The following PLGRKT variants were observed in gnomAD, a reference collection of about 807,000 sequenced individuals.
PLGRKT encodes the protein plasminogen receptor (KT).
PLGRKT carries 22 observed loss-of-function variants against 18.5 expected under a neutral mutation model. The ratio of observed to expected loss-of-function variants is 1.19; its 90% CI spans 0.85 to 1.70. The LOEUF (loss-of-function observed/expected upper bound fraction) is 1.70. PLGRKT is among the 40% of genes most tolerant of loss of function. The probability of loss-of-function intolerance (pLI) is 0.00; values close to 1 mark genes in which losing one functional copy is unlikely to be tolerated. For missense variants in PLGRKT, 235 were observed against 174.4 expected (o/e 1.35, Z -1.96); for synonymous variants, 72 against 52.8 (o/e 1.36, Z -1.58).
chr9:5,368,635 T>C (rs111576485), intron 3 of PLGRKT, among the ~76,000 whole-genome samples: 1 of 152,198 alleles, frequency 6.6e-6, no homozygotes, highest in Non-Finnish European at 1.5e-5. Flanking sequence ...TTGGGTTCTA[T>C]GCTCACCATT....
chr9:5,417,084 C>T (rs1250111670), intron 3 of PLGRKT, among the ~76,000 whole-genome samples: 1 of 152,116 alleles, frequency 6.6e-6, no homozygotes, highest in Non-Finnish European at 1.5e-5. Flanking sequence ...ACTAAGCTAA[C>T]TTATTTCCAT....
intron 3 of PLGRKT, among the ~76,000 whole-genome samples, chr9:5,380,298 G>C (rs1245258731): frequency 1.3e-5 from 2 of 151,194 alleles, no homozygotes; most frequent in Non-Finnish European, 2.9e-5. Flanking sequence ...CCAGGATGTG[G>C]AGCTTGCACA....
At chr9:5,388,621 AG>A (rs1374704979) in intron 3 of PLGRKT, among the ~76,000 whole-genome samples, 2 of 152,072 alleles carry the variant, frequency 1.3e-5, no homozygotes, top group African/African-American at 4.8e-5. Flanking sequence ...CATTTGGAAT[AG>A]CCCAAGGGCA....
At chr9:5,375,249 G>A (rs1817605414) in intron 3 of PLGRKT, among the ~76,000 whole-genome samples, 1 of 152,176 alleles carries the variant, frequency 6.6e-6, no homozygotes, top group African/African-American at 2.4e-5. Context: ...TAATTTGATA[G>A]TATTGACATG....
Position 5,400,528 on chromosome 9 carries a change from T to G in PLGRKT, c.81+31369A>C, listed in dbSNP as rs1280889682. Among the ~76,000 whole-genome samples, 6 of 151,912 alleles carry G rather than the reference T, an allele frequency of 3.9e-5. No homozygotes were observed. In the East Asian group the frequency reaches 1.2e-3, roughly 29 times the overall value. On this transcript the variant is annotated intron_variant, in intron 3 of 5. Transcript: ENST00000223864. ...TACTTGAACTGAACCTAACCAGGAATTTAACATCATAAACCTACCAAACAG... is the reference window on the plus strand; with the variant it reads ...TACTTGAACTGAACCTAACCAGGAAGTTAACATCATAAACCTACCAAACAG...
chr9:5,413,385 G>A lies in PLGRKT; in HGVS notation c.81+18512C>T, dbSNP rs148065434. On this transcript the variant is annotated intron_variant, in intron 3 of 5. Transcript: ENST00000223864. ...AGAACCTGTGAATGTATCTCCTTAC[G>A]TGGCAAAAAAGGACTTTGTAGATCT... 5.0e-4 allele frequency among the ~76,000 whole-genome samples: 76 copies of A among 152,178 alleles called. 1 individual carries two copies. The East Asian group carries it at 8.9e-3, about 18-fold the overall frequency.
chr9:5,429,897 C>A lies in PLGRKT; in HGVS notation c.81+2000G>T, dbSNP rs1226845341. On this transcript the variant is annotated intron_variant, in intron 3 of 5. Coordinates refer to ENST00000223864, the MANE Select transcript of PLGRKT (RefSeq NM_018465.4). ...GGCTTGTAACTCCCAGGTCTGACAT[C>A]TCCATTTTGGGGTGGGTCAACCAGG... 2.0e-5 allele frequency among the ~76,000 whole-genome samples: 3 copies of A among 152,178 alleles called. No individual in the cohort carries two copies. The East Asian group carries it at 5.8e-4, about 29-fold the overall frequency.
At chr9:5,378,765 C>T (rs570053235) in intron 3 of PLGRKT, among the ~76,000 whole-genome samples, 2 of 151,916 alleles carry the variant, frequency 1.3e-5, no homozygotes, top group South Asian at 2.1e-4. Context: ...AAAAAAATTA[C>T]AAATTATAAA....
At chr9:5,371,049 A>G (rs1253853407) in intron 3 of PLGRKT, among the ~76,000 whole-genome samples, 2 of 152,224 alleles carry the variant, frequency 1.3e-5, no homozygotes, top group Non-Finnish European at 2.9e-5. Flanking sequence ...CTTATTATAT[A>G]TCTTCCAATA....
intron 3 of PLGRKT, among the ~76,000 whole-genome samples, chr9:5,406,709 C>T (rs1818264784): frequency 6.6e-6 from 1 of 152,102 alleles, no homozygotes; most frequent in Non-Finnish European, 1.5e-5. Flanking sequence ...CACCATGGTA[C>T]ACGTTTGCCT....
chr9:5,361,245 T>C, intron 4 of PLGRKT, 58 bp from the exon 5 acceptor site: 1 of 940,086 alleles, frequency 1.1e-6, no homozygotes, highest in Admixed American at 2.3e-5. Context: ...AATACATATC[T>C]GTATACTTAA....
At chr9:5,434,438 G>A (rs1386275597) in intron 2 of PLGRKT, among the ~76,000 whole-genome samples, 1 of 144,764 alleles carries the variant, frequency 6.9e-6, no homozygotes, top group African/African-American at 2.6e-5. Context: ...GAGCACCTCT[G>A]CCCGGCCGCC....
chr9:5,387,252 T>C (rs1652861694), intron 3 of PLGRKT, among the ~76,000 whole-genome samples: 1 of 151,924 alleles, frequency 6.6e-6, no homozygotes, highest in Non-Finnish European at 1.5e-5. Context: ...GGAATGCTGC[T>C]GGAGGGTTTG....
intron 3 of PLGRKT, among the ~76,000 whole-genome samples, chr9:5,397,818 T>C (rs16922984): frequency 0.08 from 12,120 of 151,996 alleles, 763 homozygotes; most frequent in South Asian, 0.16. Context: ...TGGTGTCAGC[T>C]GCGCTCAGCA....
intron 3 of PLGRKT, among the ~76,000 whole-genome samples, chr9:5,387,347 T>A (rs1314058804): frequency 2.6e-5 from 4 of 151,810 alleles, no homozygotes; most frequent in African/African-American, 4.9e-5. Context: ...AATGAACACA[T>A]TTTCATTCAT....
At chr9:5,433,912 C>A (rs562861163) in intron 2 of PLGRKT, among the ~76,000 whole-genome samples, 1 of 149,338 alleles carries the variant, frequency 6.7e-6, no homozygotes, top group South Asian at 2.1e-4. Context: ...TGCCCGGCTG[C>A]CCCATCTGGG....
chr9:5,429,127 T>C (rs1403535534), intron 3 of PLGRKT, among the ~76,000 whole-genome samples: 1 of 152,210 alleles, frequency 6.6e-6, no homozygotes, highest in Non-Finnish European at 1.5e-5. Flanking sequence ...CTGTGATGTG[T>C]GTCAACACTC....
At chr9:5,435,313 A>C (rs1459969691) in intron 2 of PLGRKT, among the ~76,000 whole-genome samples, 1 of 132,184 alleles carries the variant, frequency 7.6e-6, no homozygotes, top group African/African-American at 2.8e-5. Context: ...AGAATGATCA[A>C]TAAATACTAA....
chr9:5,360,555 G>T (rs988488064), intron 5 of PLGRKT, among the ~76,000 whole-genome samples: 1 of 152,132 alleles, frequency 6.6e-6, no homozygotes, highest in Admixed American at 6.5e-5. Flanking sequence ...CCTTGATTTG[G>T]CAACAACAGA....
Sources: allele counts gnomAD v4.1 joint callset (sites outside exome capture counted in the v4.1 genomes callset), GRCh38; gene constraint gnomAD v4.1.1; transcripts MANE v1.5; gene names NCBI Gene and HGNC (gene_info 2026-07-23, HGNC 2026-07-21).